The following DEPDC5 variants were observed in gnomAD, a reference collection of about 807,000 sequenced individuals.
DEPDC5 encodes the protein GATOR1 complex protein DEPDC5.
A neutral mutation model predicts 217.3 loss-of-function variants in DEPDC5; 73 were observed. That is an observed-to-expected ratio of 0.34 (90% CI 0.28 to 0.41). The LOEUF (loss-of-function observed/expected upper bound fraction) is 0.41. Ranked by LOEUF, DEPDC5 falls within the 10% of genes least tolerant of loss-of-function variation. The pLI is 1.00. For missense variants in DEPDC5, 1,675 were observed against 2,070.1 expected, an observed-to-expected ratio of 0.81 and a Z score of 3.70; for synonymous variants, 733 against 756.7, an observed-to-expected ratio of 0.97 and a Z score of 0.51.
intron 2 of DEPDC5, 84 bp from the exon 3 acceptor site, chr22:31,758,462 A>G (rs1395767936): frequency 8.0e-7 from 1 of 1,254,760 alleles, no homozygotes; most frequent in Admixed American, 1.7e-5. Flanking sequence ...TACCATCCTG[A>G]TGGGGTTGTG....
intron 18 of DEPDC5, among the ~76,000 whole-genome samples, chr22:31,808,137 G>C (rs945136344): frequency 6.6e-6 from 1 of 151,876 alleles, no homozygotes; most frequent in African/African-American, 2.4e-5. Context: ...GTCTCGCTCT[G>C]TCATGCCCAG....
At chr22:31,756,653 G>C (rs940350947) in intron 2 of DEPDC5, among the ~76,000 whole-genome samples, 3 of 152,132 alleles carry the variant, frequency 2.0e-5, no homozygotes, top group Non-Finnish European at 2.9e-5. Context: ...GGACATGGTA[G>C]CTCATGACTG....
intron 14 of DEPDC5, 64 bp from the exon 15 acceptor site, chr22:31,802,632 GAGATGCTT>G: frequency 2.1e-6 from 3 of 1,435,154 alleles, no homozygotes; most frequent in Non-Finnish European, 2.8e-6. Flanking sequence ...TGAGAGTGTA[GAGATGCTT>G]GTCTGTGACA....
intron 3 of DEPDC5, among the ~76,000 whole-genome samples, 186 bp downstream of exon 3, chr22:31,758,819 A>G (rs955371238): frequency 3.3e-5 from 5 of 152,124 alleles, no homozygotes; most frequent in African/African-American, 1.2e-4. Context: ...AGCCTGGGCA[A>G]CATAGAGGGA....
chr22:31,770,416 T>A (rs1379864454), intron 7 of DEPDC5, among the ~76,000 whole-genome samples: 4 of 151,768 alleles, frequency 2.6e-5, no homozygotes, highest in African/African-American at 9.7e-5. Context: ...AGTCTTGCTC[T>A]GTCACCCAGG....
intron 35 of DEPDC5, 79 bp downstream of exon 35, chr22:31,873,411 G>A: frequency 6.6e-7 from 1 of 1,512,758 alleles, no homozygotes; most frequent in Non-Finnish European, 9.0e-7. Context: ...GCGTGGTTTG[G>A]TAGATTTGTA....
chr22:31,889,541 CTTTTTTT>C (rs136874), intron 38 of DEPDC5, among the ~76,000 whole-genome samples: 2,082 of 99,606 alleles, frequency 0.021, 58 homozygotes, highest in East Asian at 0.12. Flanking sequence ...GGCAAAACTT[CTTTTTTT>C]TTTTTTTTTT....
chr22:31,768,982 T>C, intron 7 of DEPDC5, 119 bp downstream of exon 7: 1 of 1,310,098 alleles, frequency 7.6e-7, no homozygotes, highest in Non-Finnish European at 1.1e-6. Context: ...GATTGTTGGC[T>C]GGCCACAGTG....
Position 31,855,599 on chromosome 22 carries a change from C to T in DEPDC5, c.3156-1846C>T, listed in dbSNP as rs994268248. 1.9e-4 allele frequency among the ~76,000 whole-genome samples: 29 copies of T among 151,708 alleles called. 1 individual carries two copies. Among genetic ancestry groups the T allele is most frequent in the African/African-American group, 9.7e-5 (4 of 41,252 alleles). ...TTCACTGTGTTAGCCAGGATGGTCT[C>T]GATCTCTTGACCTCGTGATCCGCCT... On this transcript the variant is annotated intron_variant, in intron 31 of 42. Coordinates refer to ENST00000651528, the MANE Select transcript of DEPDC5 (RefSeq NM_001242896.3).
In DEPDC5 at chr22:31,879,737, GCGGC is replaced by G; in HGVS notation, c.4019_4022del (p.Ala1340GlufsTer4). On this transcript the variant is annotated frameshift_variant, in exon 38 of 43. Transcript: ENST00000651528. LOFTEE classifies it high-confidence loss of function. ...CCGAAGTTTTGGAGGACGGAGCCAG[GCGGC>G]AGCACTTTTAGGTACATGCTCAACC... is the stretch of plus-strand genomic sequence containing the variant. 6.2e-7 allele frequency: 1 copy of G among 1,613,862 alleles called. No individual in the cohort carries two copies. Among genetic ancestry groups the G allele is most frequent in the South Asian group, 1.1e-5 (1 of 91,028 alleles).
At chr22:31,879,119 CAT>C (rs34407893) in intron 37 of DEPDC5, among the ~76,000 whole-genome samples, 27,265 of 140,986 alleles carry the variant, frequency 0.19, 3,904 homozygotes, top group African/African-American at 0.4. Context: ...TATATATACA[CAT>C]ATATATATAC....
chr22:31,873,425 G>T, intron 35 of DEPDC5, 93 bp downstream of exon 35: 2 of 1,385,516 alleles, frequency 1.4e-6, no homozygotes, highest in Non-Finnish European at 2.0e-6. Flanking sequence ...ATTTGTACAT[G>T]ACTGTACTTC....
At chr22:31,834,040 A>G in intron 25 of DEPDC5, 60 bp downstream of exon 25, 1 of 1,542,726 alleles carries the variant, frequency 6.5e-7, no homozygotes, top group African/African-American at 1.4e-5. Flanking sequence ...TGGTCAGAGC[A>G]TGAGGAAACA....
chr22:31,810,013 A>C (rs1350658201), intron 19 of DEPDC5, among the ~76,000 whole-genome samples: 1 of 152,138 alleles, frequency 6.6e-6, no homozygotes, highest in Non-Finnish European at 1.5e-5. Context: ...ACCCATGACA[A>C]CAAAACTATG....
Position 31,845,047 on chromosome 22 carries a change from C to T in DEPDC5, c.2831C>T (p.Thr944Ile), listed in dbSNP as rs1228740465. Residue 944 changes from threonine to isoleucine, a missense_variant, in exon 30 of 43, where the codon ACC (threonine) becomes ATC (isoleucine). Around this residue, in one of 11 missense-constraint regions of DEPDC5, gnomAD observed 293 missense variants for 386.1 expected, o/e 0.76. Transcript: ENST00000651528. Reference sequence around the variant, plus strand: ...ATTGAGTCCCTGAAGTTCTGGAGGACCCGCTTCCTGCTGCTGCCAGCCTGT... The same window carrying T: ...ATTGAGTCCCTGAAGTTCTGGAGGATCCGCTTCCTGCTGCTGCCAGCCTGT... The part of the protein sequence containing the change: ...SLIESLKFWR[T>I]RFLLLPACVT... The T allele has an allele frequency of 3.1e-6, 5 of 1,614,166 alleles. No homozygotes were observed. The highest frequency in any genetic ancestry group is 2.5e-6 in the Non-Finnish European group (3 of 1,180,026).
intron 8 of DEPDC5, among the ~76,000 whole-genome samples, chr22:31,782,139 T>G (rs5998125): frequency 2.5e-5 from 3 of 122,328 alleles, no homozygotes; most frequent in Non-Finnish European, 5.5e-5. Flanking sequence ...CTGAAAAAAA[T>G]TTTTTTTTTT....
chr22:31,791,984 G>A, intron 10 of DEPDC5, 49 bp from the exon 11 acceptor site: 1 of 894,016 alleles, frequency 1.1e-6, no homozygotes, highest in Non-Finnish European at 1.8e-6. Flanking sequence ...GCTTCATAGT[G>A]AAGTAAATGA....
At chr22:31,843,324 C>G in intron 28 of DEPDC5, 112 bp downstream of exon 28, 1 of 1,162,802 alleles carries the variant, frequency 8.6e-7, no homozygotes, top group Non-Finnish European at 1.2e-6. Context: ...GTTGGTTTTT[C>G]TTTTGGAGTT....
chr22:31,825,480 C>T (rs1404825451), intron 24 of DEPDC5, among the ~76,000 whole-genome samples: 2 of 152,080 alleles, frequency 1.3e-5, no homozygotes, highest in East Asian at 1.9e-4. Context: ...TAGGTGTGTC[C>T]ACCTGATGGA....
Sources: allele counts gnomAD v4.1 joint callset (sites outside exome capture counted in the v4.1 genomes callset), GRCh38; gene constraint gnomAD v4.1.1; regional missense constraint gnomAD v4.1.1; transcripts MANE v1.5; gene names NCBI Gene and HGNC (gene_info 2026-07-23, HGNC 2026-07-21).